The following EPS15 variants were observed in gnomAD, a reference collection of about 807,000 sequenced individuals.
EPS15 encodes epidermal growth factor receptor pathway substrate 15.
In EPS15, 72 loss-of-function variants were observed where a neutral mutation model predicts 113.8. That is an observed-to-expected ratio of 0.63 (90% CI 0.52 to 0.77). The LOEUF is 0.77. EPS15 is among the 30% of genes least tolerant of loss of function. The probability of loss-of-function intolerance (pLI) is 0.00; values close to 1 mark genes in which losing one functional copy is unlikely to be tolerated. For synonymous variants in EPS15, 344 were observed against 363.4 expected (o/e 0.95, Z 0.61); for missense variants, 1,048 against 1,045.8 (o/e 1.00, Z -0.03).
At chr1:51,470,564 T>C (rs907093234) in intron 4 of EPS15, among the ~76,000 whole-genome samples, 3 of 150,320 alleles carry the variant, frequency 2.0e-5, no homozygotes, top group Admixed American at 6.7e-5. Flanking sequence ...GGAGAATTGC[T>C]TGAATCCCGG....
chr1:51,378,461 A>G (rs1284128670), intron 21 of EPS15, among the ~76,000 whole-genome samples: 3 of 152,126 alleles, frequency 2.0e-5, no homozygotes, highest in Admixed American at 1.3e-4. Flanking sequence ...ATTCAAGACC[A>G]GCCTGGGTTC....
At chr1:51,472,008 AT>A (rs57128370) in intron 3 of EPS15, among the ~76,000 whole-genome samples, 2,822 of 144,896 alleles carry the variant, frequency 0.019, 48 homozygotes, top group African/African-American at 0.058. Context: ...TTCTTTTATG[AT>A]TTTTTTTTTT....
chr1:51,480,381 T>C (rs1469871320), intron 2 of EPS15, among the ~76,000 whole-genome samples: 2 of 152,252 alleles, frequency 1.3e-5, no homozygotes, highest in Non-Finnish European at 2.9e-5. Flanking sequence ...CTGTCTAGAC[T>C]ACTTTATACT....
At chr1:51,433,412 T>C (rs974018253) in intron 12 of EPS15, among the ~76,000 whole-genome samples, 1 of 152,256 alleles carries the variant, frequency 6.6e-6, no homozygotes, top group Non-Finnish European at 1.5e-5. Flanking sequence ...GAGGTACAGA[T>C]AGTTAAGTAT....
chr1:51,513,417 AATAAT>A (rs1287151786), intron 1 of EPS15, among the ~76,000 whole-genome samples: 1 of 152,232 alleles, frequency 6.6e-6, no homozygotes, highest in Non-Finnish European at 1.5e-5. Context: ...TTAAGCTAAA[AATAAT>A]ATAACAACAA....
chr1:51,511,076 G>C (rs1644610892), intron 1 of EPS15, among the ~76,000 whole-genome samples: 1 of 152,028 alleles, frequency 6.6e-6, no homozygotes, highest in African/African-American at 2.4e-5. Flanking sequence ...TGAGGCAGGA[G>C]AATCATTTGA....
At chr1:51,508,166 G>C (rs1401794008) in intron 1 of EPS15, among the ~76,000 whole-genome samples, 1 of 124,974 alleles carries the variant, frequency 8.0e-6, no homozygotes, top group African/African-American at 3.1e-5. Flanking sequence ...TGGCAACAGA[G>C]CAAGACTCAG....
At chr1:51,465,942 G>C (rs1365404870) in intron 5 of EPS15, among the ~76,000 whole-genome samples, 2 of 151,064 alleles carry the variant, frequency 1.3e-5, no homozygotes, top group Admixed American at 1.3e-4. Context: ...CAAGGTGACA[G>C]TGAGCTATGA....
intron 1 of EPS15, among the ~76,000 whole-genome samples, chr1:51,486,229 C>A (rs1318880209): frequency 6.6e-6 from 1 of 150,764 alleles, no homozygotes; most frequent in Non-Finnish European, 1.5e-5. Context: ...ACCAGCCTGG[C>A]CAATATGGCA....
At chr1:51,481,031 C>T (rs1192923566) in intron 2 of EPS15, among the ~76,000 whole-genome samples, 1 of 152,202 alleles carries the variant, frequency 6.6e-6, no homozygotes, top group Non-Finnish European at 1.5e-5. Flanking sequence ...ATAAATCTAT[C>T]AAATGTATAC....
At chr1:51,507,147 A>C (rs1644512301) in intron 1 of EPS15, among the ~76,000 whole-genome samples, 2 of 152,228 alleles carry the variant, frequency 1.3e-5, no homozygotes, top group Admixed American at 1.3e-4. Flanking sequence ...AAATGTATAC[A>C]TAGAAAAATA....
At chr1:51,410,805 A>G (rs1557442453) in intron 13 of EPS15, among the ~76,000 whole-genome samples, 1 of 152,258 alleles carries the variant, frequency 6.6e-6, no homozygotes, top group Non-Finnish European at 1.5e-5. Context: ...ATTACTGCAT[A>G]GGTTACACAA....
At chr1:51,441,881 G>A (rs183584231) in intron 11 of EPS15, among the ~76,000 whole-genome samples, 46 of 152,128 alleles carry the variant, frequency 3.0e-4, no homozygotes, top group Admixed American at 2.0e-3. Context: ...AGATCATTTC[G>A]GTAAATGAAA....
intron 15 of EPS15, 152 bp from the exon 16 acceptor site, chr1:51,406,260 C>A: frequency 3.1e-6 from 2 of 648,680 alleles, no homozygotes; most frequent in Non-Finnish European, 5.3e-6. Flanking sequence ...AGGACTGCTT[C>A]AGCCCAGGAG....
At chr1:51,467,800 T>C (rs555861678) in intron 5 of EPS15, among the ~76,000 whole-genome samples, 74 of 152,284 alleles carry the variant, frequency 4.9e-4, no homozygotes, top group Non-Finnish European at 7.4e-4. Context: ...AAGAATCTAA[T>C]GCCTGATGAT....
At chr1:51,409,114 T>C (rs1649438087) in intron 14 of EPS15, among the ~76,000 whole-genome samples, 1 of 152,128 alleles carries the variant, frequency 6.6e-6, no homozygotes, top group Non-Finnish European at 1.5e-5. Context: ...AGAGATGGGA[T>C]TTCTCCATGT....
chr1:51,482,610 C>T (rs746328675), intron 1 of EPS15, among the ~76,000 whole-genome samples: 30 of 152,002 alleles, frequency 2.0e-4, no homozygotes, highest in Non-Finnish European at 3.2e-4. Flanking sequence ...GCATTACAGG[C>T]GTGCACCACC....
intron 21 of EPS15, among the ~76,000 whole-genome samples, chr1:51,368,462 T>C (rs1044958700): frequency 6.6e-6 from 1 of 152,202 alleles, no homozygotes; most frequent in African/African-American, 2.4e-5. Flanking sequence ...GGAAATCCTA[T>C]AATTCTAGCT....
At chr1:51,387,128 A>G (rs1225977302) in intron 21 of EPS15, among the ~76,000 whole-genome samples, 1 of 152,258 alleles carries the variant, frequency 6.6e-6, no homozygotes, top group Non-Finnish European at 1.5e-5. Flanking sequence ...CTCTTGGCAG[A>G]AACTCCACAA....
Sources: gnomAD v4.1 joint callset for allele counts (sites outside exome capture counted in the v4.1 genomes callset) on GRCh38, gnomAD v4.1.1 for gene constraint, MANE v1.5 for transcripts, NCBI Gene and HGNC (gene_info 2026-07-23, HGNC 2026-07-21) for gene names.